Variants in ALK observed in about 807,000 individuals in gnomAD.
ALK encodes the protein ALK receptor tyrosine kinase.
A neutral mutation model predicts 163.1 loss-of-function variants in ALK; 74 were observed. The ratio of observed to expected loss-of-function variants is 0.45; its 90% CI spans 0.38 to 0.55. The LOEUF (loss-of-function observed/expected upper bound fraction) is 0.55, where lower values mean the gene tolerates loss of function less well. Ranked by LOEUF, ALK falls within the 20% of genes least tolerant of loss-of-function variation. The pLI, the probability that ALK is intolerant of heterozygous loss-of-function variation, is 0.00. For missense variants in ALK, 2,063 were observed against 2,105.3 expected, an observed-to-expected ratio of 0.98 and a Z score of 0.39; for synonymous variants, 960 against 843.2, an observed-to-expected ratio of 1.14 and a Z score of -2.40.
intron 15 of ALK, among the ~76,000 whole-genome samples, chr2:29,232,035 G>GCAAGTTCGTAAAACC (rs6146693): frequency 6.6e-6 from 1 of 151,918 alleles, no homozygotes. Flanking sequence ...TCTAACAATT[G>GCAAGTTCGTAAAACC]CAGGGAGGGC....
intron 3 of ALK, among the ~76,000 whole-genome samples, chr2:29,550,643 C>T (rs370745683): frequency 4.6e-5 from 7 of 152,278 alleles, no homozygotes; most frequent in African/African-American, 1.7e-4. Flanking sequence ...TAAAGTTCTA[C>T]TTGCAATGTC....
At chr2:29,340,007 T>C (rs1382223171) in intron 5 of ALK, among the ~76,000 whole-genome samples, 1 of 152,196 alleles carries the variant, frequency 6.6e-6, no homozygotes, top group Non-Finnish European at 1.5e-5. Context: ...CCATAGCCCC[T>C]TTATTTTGTT....
At chr2:29,600,634 G>A (rs1445379190) in intron 3 of ALK, among the ~76,000 whole-genome samples, 3 of 152,196 alleles carry the variant, frequency 2.0e-5, no homozygotes, top group Non-Finnish European at 4.4e-5. Flanking sequence ...ACGTGCTCAG[G>A]ACTGTTTGTG....
Position 29,452,323 on chromosome 2 carries a change from G to GT in ALK, c.1155-68465dup, listed in dbSNP as rs1221437780. Among the ~76,000 whole-genome samples the GT allele has an allele frequency of 1.9e-3, 150 of 79,492 alleles. 1 individual carries two copies. The highest frequency in any genetic ancestry group is 9.3e-3 in the African/African-American group (142 of 15,310). 52.1% of individuals were successfully genotyped at this position (79,492 alleles called of 152,430 possible). A position where few individuals can be genotyped will look rare whatever the true frequency, so the allele number is the denominator to read the frequency against. Reference sequence around the variant, plus strand: ...TGTGTTTCTCTTAGATCTCACTCAAGTTTTTTTTGTTTTTTTTTTTTTTTT... The same window carrying GT: ...TGTGTTTCTCTTAGATCTCACTCAAGTTTTTTTTTGTTTTTTTTTTTTTTTT... On this transcript the variant is annotated intron_variant, in intron 4 of 28. Transcript: ENST00000389048.
chr2:29,577,604 G>A (rs935883067), intron 3 of ALK, among the ~76,000 whole-genome samples: 17 of 152,180 alleles, frequency 1.1e-4, no homozygotes, highest in African/African-American at 4.1e-4. Context: ...CCCAGGGGAT[G>A]CTACAGTTCT....
At chr2:29,527,972 G>A (rs931530976) in intron 4 of ALK, among the ~76,000 whole-genome samples, 2 of 152,192 alleles carry the variant, frequency 1.3e-5, no homozygotes, top group Admixed American at 1.3e-4. Flanking sequence ...GCAAGGCTTT[G>A]TGCTGAGAAT....
chr2:29,609,593 G>C (rs1675633644), intron 3 of ALK, among the ~76,000 whole-genome samples: 3 of 152,052 alleles, frequency 2.0e-5, no homozygotes, highest in Admixed American at 6.5e-5. Flanking sequence ...AAACATCTGT[G>C]ACATGTGAGT....
At chr2:29,641,266 G>C (rs1046758952) in intron 3 of ALK, among the ~76,000 whole-genome samples, 1 of 152,134 alleles carries the variant, frequency 6.6e-6, no homozygotes, top group Admixed American at 6.5e-5. Context: ...GGTGACAAGA[G>C]TGGAGTCAGG....
chr2:29,765,307 G>A (rs1192208611), intron 1 of ALK, among the ~76,000 whole-genome samples: 1 of 152,006 alleles, frequency 6.6e-6, no homozygotes, highest in Non-Finnish European at 1.5e-5. Flanking sequence ...TATATAGAGT[G>A]GCCTCTTATG....
At chr2:29,517,766 G>T (rs998605205) in intron 4 of ALK, among the ~76,000 whole-genome samples, 1 of 152,138 alleles carries the variant, frequency 6.6e-6, no homozygotes, top group Non-Finnish European at 1.5e-5. Context: ...AAACTACAGC[G>T]TTGGCTGGTG....
chr2:29,299,264 T>C (rs1187300564), intron 8 of ALK, among the ~76,000 whole-genome samples: 1 of 152,244 alleles, frequency 6.6e-6, no homozygotes, highest in East Asian at 1.9e-4. Flanking sequence ...CATTCTCCTG[T>C]TGATCATGCT....
chr2:29,796,259 T>G (rs1402915564), intron 1 of ALK, among the ~76,000 whole-genome samples: 1 of 152,144 alleles, frequency 6.6e-6, no homozygotes, highest in Non-Finnish European at 1.5e-5. Context: ...AGAAGCACAT[T>G]TACTGTAGCC....
Position 29,840,823 on chromosome 2 carries a change from G to A in ALK, c.667+79170C>T, listed in dbSNP as rs148545034. Among the ~76,000 whole-genome samples the A allele has an allele frequency of 2.2e-4, 34 of 152,328 alleles. No homozygotes were observed. The East Asian group carries it at 6.6e-3, about 29-fold the overall frequency. The stretch of plus-strand genomic sequence containing the variant: ...TCTTATCTGACCTTCACACTTTGGA[G>A]TAGACAAGGCAATTTGGATTATCCC... On this transcript the variant is annotated intron_variant, in intron 1 of 28. Transcript: ENST00000389048.
chr2:29,913,565 C>T (rs1667759810), intron 1 of ALK, among the ~76,000 whole-genome samples: 1 of 152,202 alleles, frequency 6.6e-6, no homozygotes, highest in African/African-American at 2.4e-5. Context: ...CCTAGACCTA[C>T]AACCATCCTC....
intron 4 of ALK, among the ~76,000 whole-genome samples, chr2:29,384,821 G>A (rs561879682): frequency 6.6e-6 from 1 of 152,250 alleles, no homozygotes; most frequent in South Asian, 2.1e-4. Context: ...GGGAGGCCAA[G>A]GTGGGCGGAT....
At chr2:29,474,809 T>A (rs200152813) in intron 4 of ALK, among the ~76,000 whole-genome samples, 1 of 151,970 alleles carries the variant, frequency 6.6e-6, no homozygotes, top group Non-Finnish European at 1.5e-5. Flanking sequence ...GCGATATAAG[T>A]GGGGGAGAGG....
chr2:29,698,913 T>C (rs1352296018), intron 2 of ALK, among the ~76,000 whole-genome samples: 1 of 152,242 alleles, frequency 6.6e-6, no homozygotes, highest in Non-Finnish European at 1.5e-5. Context: ...CATTCTGATT[T>C]AATTTCTTAC....
At chr2:29,815,364 G>C (rs1290842369) in intron 1 of ALK, among the ~76,000 whole-genome samples, 1 of 152,108 alleles carries the variant, frequency 6.6e-6, no homozygotes, top group African/African-American at 2.4e-5. Context: ...GGAAGGGGTA[G>C]CAGGAGCTAT....
chr2:29,883,143 AAAAG>A (rs1666907250), intron 1 of ALK, among the ~76,000 whole-genome samples: 2 of 151,926 alleles, frequency 1.3e-5, no homozygotes, highest in Admixed American at 1.3e-4. Context: ...GAAAAAAAGA[AAAAG>A]AAAAAGAAAA....
Sources: gnomAD v4.1 joint callset for allele counts (sites outside exome capture counted in the v4.1 genomes callset) on GRCh38, gnomAD v4.1.1 for gene constraint, MANE v1.5 for transcripts, NCBI Gene and HGNC (gene_info 2026-07-23, HGNC 2026-07-21) for gene names.